Variants in ZNF624 observed in about 807,000 individuals in gnomAD.
ZNF624 encodes the protein zinc finger protein 624.
A neutral mutation model predicts 74.7 loss-of-function variants in ZNF624; 43 were observed. The observed-to-expected ratio is 0.58, with a 90% CI of 0.45 to 0.74. The LOEUF is 0.74. Among genes scored for constraint, ZNF624 ranks in the 30% least tolerant of loss-of-function variants. ZNF624 has a pLI of 0.00. For missense variants in ZNF624, 820 were observed against 1,030.0 expected, an observed-to-expected ratio of 0.80 and a Z score of 2.79; for synonymous variants, 331 against 341.3, an observed-to-expected ratio of 0.97 and a Z score of 0.33.
chr17:16,619,999 T>G (rs1908869374), downstream of ZNF624, among the ~76,000 whole-genome samples: 1 of 152,224 alleles, frequency 6.6e-6, no homozygotes, highest in African/African-American at 2.4e-5. Flanking sequence ...AGTTAATGTT[T>G]CACTATTAAA....
At chr17:16,617,423 G>A (rs1597487975), downstream of ZNF624, 4 of 1,612,754 alleles carry the variant, frequency 2.5e-6, no homozygotes, top group East Asian at 2.2e-5. Flanking sequence ...GAGTAGGAGC[G>A]AAACTCAATT....
At chr17:16,618,034 A>G (rs556967986), downstream of ZNF624, among the ~76,000 whole-genome samples, 34 of 152,346 alleles carry the variant, frequency 2.2e-4, 1 homozygote, top group Middle Eastern at 6.8e-3. Flanking sequence ...AGCAACTTCT[A>G]TAATTGAAAA....
chr17:16,635,032 C>G (rs191703280), intron 3 of ZNF624, among the ~76,000 whole-genome samples: 33 of 152,278 alleles, frequency 2.2e-4, no homozygotes, highest in Admixed American at 2.0e-3. Flanking sequence ...ATTGGCTCCA[C>G]TATATTATCT....
rs542074842 is a variant in ZNF624 at position 16,642,653 on chromosome 17, C to T, written c.153+4676G>A. On this transcript the variant is annotated intron_variant, in intron 3 of 5. Transcript: ENST00000311331. ...CACCAAAAGCACACTAGACAAAAGACAAGAAGAGATCATTAGGACTTCATT... is the reference window on the plus strand; with the variant it reads ...CACCAAAAGCACACTAGACAAAAGATAAGAAGAGATCATTAGGACTTCATT... Among the ~76,000 whole-genome samples the T allele has an allele frequency of 3.3e-5, 5 of 152,186 alleles. No homozygotes were observed. The South Asian group carries it at 1.0e-3, about 32-fold the overall frequency.
At chr17:16,619,095 A>G (rs1262422172), downstream of ZNF624, among the ~76,000 whole-genome samples, 1 of 152,230 alleles carries the variant, frequency 6.6e-6, no homozygotes, top group Non-Finnish European at 1.5e-5. Context: ...TGATCATCGG[A>G]TTTATCATAA....
In ZNF624 at chr17:16,637,924, A is replaced by C. The variant is rs541787834; in HGVS notation, c.154-3168T>G. On this transcript the variant is annotated intron_variant, in intron 3 of 5. Transcript: ENST00000311331. ...GCAAAAGAAACTACCATCAGAGTGA[A>C]CAGGCAACCTACAAAATGGGAGAAA... Among the ~76,000 whole-genome samples the C allele has an allele frequency of 2.1e-3, 319 of 152,248 alleles. 2 individuals carry two copies. Among genetic ancestry groups the C allele is most frequent in the African/African-American group, 7.4e-3 (309 of 41,562 alleles).
chr17:16,635,063 C>A (rs1909295741), intron 3 of ZNF624, among the ~76,000 whole-genome samples: 1 of 152,164 alleles, frequency 6.6e-6, no homozygotes, highest in Non-Finnish European at 1.5e-5. Flanking sequence ...AGCACGGTTT[C>A]CTCCTTCCCT....
chr17:16,652,468 T>C (rs909149131), intron 1 of ZNF624, among the ~76,000 whole-genome samples: 3 of 152,186 alleles, frequency 2.0e-5, no homozygotes, highest in African/African-American at 7.2e-5. Context: ...TTTAAAATAT[T>C]TGTAAATATT....
chr17:16,631,899 C>T (rs76712398), intron 5 of ZNF624, among the ~76,000 whole-genome samples: 2,729 of 152,114 alleles, frequency 0.018, 92 homozygotes, highest in African/African-American at 0.062. Context: ...TTAGATTAAA[C>T]GGAACAATCC....
intron 3 of ZNF624, among the ~76,000 whole-genome samples, chr17:16,639,008 T>A (rs530935820): frequency 6.6e-6 from 1 of 152,166 alleles, no homozygotes; most frequent in Non-Finnish European, 1.5e-5. Context: ...GAAGGTGCTA[T>A]TTACAAATAA....
At chr17:16,648,349 C>T (rs1182564452) in intron 2 of ZNF624, among the ~76,000 whole-genome samples, 1 of 127,206 alleles carries the variant, frequency 7.9e-6, no homozygotes, top group Non-Finnish European at 1.5e-5. Context: ...GATAATAAAA[C>T]TACATAAAGA....
chr17:16,637,317 A>T (rs1050701081), intron 3 of ZNF624, among the ~76,000 whole-genome samples: 3 of 152,172 alleles, frequency 2.0e-5, no homozygotes, highest in Non-Finnish European at 4.4e-5. Context: ...ATTCAACGCC[A>T]CCCCCATCAA....
At chr17:16,616,192 A>G (rs1369030064), downstream of ZNF624, among the ~76,000 whole-genome samples, 1 of 151,716 alleles carries the variant, frequency 6.6e-6, no homozygotes, top group African/African-American at 2.4e-5. Flanking sequence ...AGGGGCAGAT[A>G]AAGACTTTGG....
At chr17:16,645,542 T>C (rs1337718315) in intron 3 of ZNF624, among the ~76,000 whole-genome samples, 1 of 151,838 alleles carries the variant, frequency 6.6e-6, no homozygotes, top group Non-Finnish European at 1.5e-5. Context: ...TCTTCTATAG[T>C]TTCTTTGTTA....
the ZNF624 span, among the ~76,000 whole-genome samples, chr17:16,614,317 A>G: frequency 1.3e-5 from 2 of 152,198 alleles, no homozygotes; most frequent in South Asian, 2.1e-4. Context: ...AAGAAAACAG[A>G]GTACATACAT....
intron 3 of ZNF624, among the ~76,000 whole-genome samples, chr17:16,637,161 C>A (rs1371561348): frequency 6.6e-6 from 1 of 151,828 alleles, no homozygotes; most frequent in African/African-American, 2.4e-5. Context: ...ATCCAACTTA[C>A]AAGGGATGTG....
intron 3 of ZNF624, among the ~76,000 whole-genome samples, chr17:16,646,115 T>A (rs1031241861): frequency 6.6e-6 from 1 of 152,132 alleles, no homozygotes; most frequent in Non-Finnish European, 1.5e-5. Context: ...ATAAAAAGGA[T>A]GCAGAATTTA....
Position 16,624,313 on chromosome 17 carries a change from A to G in ZNF624, c.573T>C (p.Ile191=). ...NQENHLSQRI[I]PLKKTPTSQR... ...GACTAGTGGGAGTCTTCTTGAGTGGAATTATTCTTTGACTCAAATGATTCT... is the reference window on the plus strand; with the variant it reads ...GACTAGTGGGAGTCTTCTTGAGTGGGATTATTCTTTGACTCAAATGATTCT... The change falls in exon 6 of 6, where the codon ATT becomes ATC. Residue 191 remains isoleucine, a synonymous_variant. Coordinates refer to ENST00000311331, the MANE Select transcript of ZNF624 (RefSeq NM_020787.4). 5 of 1,613,568 alleles carry G rather than the reference A, an allele frequency of 3.1e-6. No individual in the cohort carries two copies. The highest frequency in any genetic ancestry group is 4.2e-6 in the Non-Finnish European group (5 of 1,179,884).
At chr17:16,617,301 G>A (rs569560524), downstream of ZNF624, 7 of 1,613,592 alleles carry the variant, frequency 4.3e-6, no homozygotes, top group African/African-American at 6.7e-5. Context: ...ACCTGGATCT[G>A]CTTCCAGAGT....
Sources: gnomAD v4.1 joint callset for allele counts (sites outside exome capture counted in the v4.1 genomes callset) on GRCh38, gnomAD v4.1.1 for gene constraint, MANE v1.5 for transcripts, NCBI Gene and HGNC (gene_info 2026-07-23, HGNC 2026-07-21) for gene names.